Variants in CGRRF1 observed in about 807,000 individuals in gnomAD.
CGRRF1 encodes the protein cell growth regulator with ring finger domain 1.
A neutral mutation model predicts 37.2 loss-of-function variants in CGRRF1; 32 were observed. That is an observed-to-expected ratio of 0.86 (90% CI 0.65 to 1.16). The LOEUF (loss-of-function observed/expected upper bound fraction) is 1.16, where lower values mean the gene tolerates loss of function less well. Ranked by LOEUF, CGRRF1 falls within the 50% of genes most tolerant of loss-of-function variation. CGRRF1 has a pLI of 0.00. For missense variants in CGRRF1, 391 were observed against 382.6 expected (o/e 1.02, Z -0.18); for synonymous variants, 141 against 140.3 (o/e 1.00, Z -0.04).
intron 1 of CGRRF1, among the ~76,000 whole-genome samples, chr14:54,520,423 G>A (rs1236790244): frequency 6.6e-6 from 1 of 152,058 alleles, no homozygotes; most frequent in Non-Finnish European, 1.5e-5. Flanking sequence ...GTGAGCCACC[G>A]CACCCGGCCA....
chr14:54,515,384 G>A (rs1057356912), intron 1 of CGRRF1, among the ~76,000 whole-genome samples: 8 of 151,974 alleles, frequency 5.3e-5, no homozygotes, highest in East Asian at 1.9e-4. Flanking sequence ...GAGTCACCGC[G>A]CCCGGCCGGG....
intron 2 of CGRRF1, among the ~76,000 whole-genome samples, chr14:54,525,162 C>T (rs554846540): frequency 4.6e-5 from 7 of 152,304 alleles, no homozygotes; most frequent in South Asian, 2.1e-4. Context: ...GAGCAGGACC[C>T]GCAATGAAAA....
intron 1 of CGRRF1, among the ~76,000 whole-genome samples, chr14:54,514,883 T>C (rs899951045): frequency 2.0e-5 from 3 of 152,206 alleles, no homozygotes; most frequent in Non-Finnish European, 4.4e-5. Flanking sequence ...AAGTTTGTTA[T>C]TGAGTTTCCA....
At chr14:54,519,446 C>T (rs1186219812) in intron 1 of CGRRF1, among the ~76,000 whole-genome samples, 1 of 143,454 alleles carries the variant, frequency 7.0e-6, no homozygotes, top group Non-Finnish European at 1.5e-5. Context: ...GATGGGGTCT[C>T]GCTATTGTTG....
intron 2 of CGRRF1, among the ~76,000 whole-genome samples, chr14:54,528,550 G>A (rs183789294): frequency 4.0e-5 from 6 of 149,616 alleles, no homozygotes; most frequent in African/African-American, 1.2e-4. Context: ...TTTTCCTTTC[G>A]TATCTACCTC....
intron 2 of CGRRF1, 143 bp from the exon 3 acceptor site, chr14:54,529,906 T>C: frequency 1.8e-6 from 1 of 545,186 alleles, no homozygotes; most frequent in Non-Finnish European, 3.3e-6. Flanking sequence ...CCTTCGTTTA[T>C]AGGAGGCATA....
intron 2 of CGRRF1, 100 bp from the exon 3 acceptor site, chr14:54,529,949 C>T: frequency 1.1e-6 from 1 of 926,234 alleles, no homozygotes. Context: ...TGCCATCATC[C>T]TGGCCAGCAT....
At position 54,537,782 on chromosome 14, in the gene CGRRF1, T is replaced by C; in HGVS notation, c.631T>C (p.Leu211=). The change falls in exon 5 of 6, where the codon TTG becomes CTG. Residue 211 remains leucine (L), a synonymous_variant. Coordinates refer to ENST00000216420, the MANE Select transcript of CGRRF1 (RefSeq NM_006568.3). ...DRTYKLSCRI[L]YQYLLLAQGQ... is the part of the protein sequence containing the mutation. ...GACTTATAAACTATCCTGCAGAATA[T>C]TGTATCAATATTTACTCTTGGCTCA... The C allele has an allele frequency of 3.7e-6, 6 of 1,602,170 alleles. No homozygotes were observed. The highest frequency in any genetic ancestry group is 5.1e-6 in the Non-Finnish European group (6 of 1,176,850).
At chr14:54,511,112 C>T (rs556512094) in intron 1 of CGRRF1, among the ~76,000 whole-genome samples, 2 of 152,298 alleles carry the variant, frequency 1.3e-5, no homozygotes, top group South Asian at 2.1e-4. Context: ...AAGAAGGCTA[C>T]GTAAAACGAG....
At chr14:54,534,018 T>C (rs1351367557) in intron 4 of CGRRF1, among the ~76,000 whole-genome samples, 3 of 152,202 alleles carry the variant, frequency 2.0e-5, no homozygotes, top group Admixed American at 6.5e-5. Context: ...CACTTAGTAG[T>C]ATATTCAAAC....
At chr14:54,511,636 A>T (rs1192640423) in intron 1 of CGRRF1, among the ~76,000 whole-genome samples, 1 of 152,228 alleles carries the variant, frequency 6.6e-6, no homozygotes, top group Non-Finnish European at 1.5e-5. Flanking sequence ...TATTGGGAAG[A>T]GGGTAGTCAG....
At chr14:54,534,189 A>C (rs978683401) in intron 4 of CGRRF1, among the ~76,000 whole-genome samples, 1 of 152,146 alleles carries the variant, frequency 6.6e-6, no homozygotes, top group Non-Finnish European at 1.5e-5. Flanking sequence ...CAGTGGCACA[A>C]TCTCAGCTCA....
chr14:54,516,890 T>C (rs559468049), intron 1 of CGRRF1, among the ~76,000 whole-genome samples: 12 of 152,212 alleles, frequency 7.9e-5, no homozygotes, highest in African/African-American at 2.9e-4. Flanking sequence ...CTTTCTGTTA[T>C]GTTGTCTTCA....
At chr14:54,531,604 C>G (rs17127624) in intron 4 of CGRRF1, among the ~76,000 whole-genome samples, 7,980 of 152,016 alleles carry the variant, frequency 0.052, 405 homozygotes, top group East Asian at 0.28. Context: ...CTTTTTTTGC[C>G]TGCTTGCAGT....
intron 1 of CGRRF1, among the ~76,000 whole-genome samples, chr14:54,518,116 T>C (rs953216372): frequency 2.0e-5 from 3 of 152,230 alleles, no homozygotes; most frequent in African/African-American, 4.8e-5. Context: ...ATAGAATGAT[T>C]TATATTCCTT....
intron 4 of CGRRF1, 173 bp from the exon 5 acceptor site, chr14:54,537,549 T>C: frequency 1.7e-6 from 1 of 589,302 alleles, no homozygotes; most frequent in Non-Finnish European, 2.5e-6. Context: ...GTGATTATGA[T>C]TTAATCAGAT....
At chr14:54,525,872 G>C (rs1233247114) in intron 2 of CGRRF1, among the ~76,000 whole-genome samples, 2 of 152,068 alleles carry the variant, frequency 1.3e-5, no homozygotes, top group Admixed American at 1.3e-4. Context: ...TGAGACGGGC[G>C]GATCCTTGAG....
intron 4 of CGRRF1, among the ~76,000 whole-genome samples, chr14:54,533,345 A>G (rs914194929): frequency 4.0e-5 from 6 of 151,884 alleles, no homozygotes; most frequent in Admixed American, 1.3e-4. Context: ...GTGTCTCCCA[A>G]GGGTTAACAG....
At chr14:54,514,089 A>G (rs2032177812) in intron 1 of CGRRF1, among the ~76,000 whole-genome samples, 1 of 152,178 alleles carries the variant, frequency 6.6e-6, no homozygotes, top group South Asian at 2.1e-4. Flanking sequence ...CACCTAGGGT[A>G]GTTTCTTTGC....
Sources: allele counts gnomAD v4.1 joint callset (sites outside exome capture counted in the v4.1 genomes callset), GRCh38; gene constraint gnomAD v4.1.1; transcripts MANE v1.5; gene names NCBI Gene and HGNC (gene_info 2026-07-23, HGNC 2026-07-21).